Variants in POU2AF2 observed in about 807,000 individuals in gnomAD.
POU2AF2 encodes the protein POU domain class 2-associating factor 2.
the POU2AF2 span, among the ~76,000 whole-genome samples, chr11:111,273,484 G>A: frequency 3.9e-5 from 6 of 152,026 alleles, no homozygotes; most frequent in South Asian, 4.2e-4. Flanking sequence ...TCTCAAAGAG[G>A]GATATCACCT....
At chr11:111,277,516 T>G in the POU2AF2 span, among the ~76,000 whole-genome samples, 2 of 152,192 alleles carry the variant, frequency 1.3e-5, no homozygotes, top group Non-Finnish European at 2.9e-5. Context: ...TCAGCCACAA[T>G]GACATAGACT....
the POU2AF2 span, among the ~76,000 whole-genome samples, chr11:111,264,577 G>GAGAGAGAGAGA: frequency 8.7e-5 from 2 of 22,930 alleles, 1 homozygote; most frequent in African/African-American, 2.9e-4. Flanking sequence ...AGAAAGAAAG[G>GAGAGAGAGAGA]GAGAGAGAAA....
chr11:111,285,842 C>G, the POU2AF2 span: 1 of 1,609,614 alleles, frequency 6.2e-7, no homozygotes, highest in Non-Finnish European at 8.5e-7. Context: ...GCTGCATGCT[C>G]TGGAAGATCT....
At chr11:111,281,711 A>C in the POU2AF2 span, among the ~76,000 whole-genome samples, 1 of 152,236 alleles carries the variant, frequency 6.6e-6, no homozygotes, top group East Asian at 1.9e-4. Flanking sequence ...AAATTGTCTA[A>C]AGTTCTGACA....
chr11:111,284,411 AAG>A, the POU2AF2 span: 4 of 1,546,062 alleles, frequency 2.6e-6, no homozygotes, highest in Non-Finnish European at 3.5e-6. Flanking sequence ...GAGGGAGTAA[AAG>A]AGGGGCGAGG....
the POU2AF2 span, among the ~76,000 whole-genome samples, chr11:111,263,918 T>A: frequency 6.6e-6 from 1 of 152,206 alleles, no homozygotes; most frequent in Non-Finnish European, 1.5e-5. Context: ...AGGATTACAT[T>A]TAATATTTGC....
At chr11:111,246,899 AT>A in the POU2AF2 span, among the ~76,000 whole-genome samples, 1 of 152,190 alleles carries the variant, frequency 6.6e-6, no homozygotes, top group Non-Finnish European at 1.5e-5. Context: ...TATGTTGTAC[AT>A]TATATCTCTA....
the POU2AF2 span, among the ~76,000 whole-genome samples, chr11:111,256,887 T>G: frequency 6.6e-6 from 1 of 152,228 alleles, no homozygotes; most frequent in Non-Finnish European, 1.5e-5. Context: ...AAAAATCTTC[T>G]GTGTAACATG....
chr11:111,264,542 A>G, the POU2AF2 span, among the ~76,000 whole-genome samples: 18 of 68,908 alleles, frequency 2.6e-4, 1 homozygote, highest in Admixed American at 9.3e-4. Flanking sequence ...GAAAGAAAGA[A>G]AGAAAGAAAG....
the POU2AF2 span, among the ~76,000 whole-genome samples, chr11:111,247,061 A>C: frequency 2.0e-5 from 3 of 151,934 alleles, no homozygotes; most frequent in African/African-American, 7.3e-5. Flanking sequence ...AGATCATGCA[A>C]TATTTTTCTT....
chr11:111,282,644 G>A, the POU2AF2 span, among the ~76,000 whole-genome samples: 1 of 152,220 alleles, frequency 6.6e-6, no homozygotes, highest in South Asian at 2.1e-4. Context: ...AGAGGAATGA[G>A]CATAATATAA....
chr11:111,280,750 A>C, the POU2AF2 span, among the ~76,000 whole-genome samples: 1 of 152,262 alleles, frequency 6.6e-6, no homozygotes, highest in Non-Finnish European at 1.5e-5. Flanking sequence ...TGCTTCCTTT[A>C]AATGAAAAAG....
the POU2AF2 span, chr11:111,285,701 C>A: frequency 6.2e-7 from 1 of 1,613,766 alleles, no homozygotes. Flanking sequence ...CCAGCCTGAC[C>A]CTGTGTCTGC....
chr11:111,273,442 T>C, the POU2AF2 span, among the ~76,000 whole-genome samples: 2 of 152,180 alleles, frequency 1.3e-5, no homozygotes, highest in African/African-American at 4.8e-5. Flanking sequence ...ATGATGACAA[T>C]GAAAAATTAA....
At chr11:111,261,960 A>G in the POU2AF2 span, among the ~76,000 whole-genome samples, 1 of 152,246 alleles carries the variant, frequency 6.6e-6, no homozygotes, top group East Asian at 1.9e-4. Flanking sequence ...TGCTCTACAT[A>G]TAGAGACCAA....
chr11:111,281,762 GGGGAAAGCCGTCTGC>G, the POU2AF2 span, among the ~76,000 whole-genome samples: 1 of 152,204 alleles, frequency 6.6e-6, no homozygotes, highest in African/African-American at 2.4e-5. Flanking sequence ...CAAACAGAAA[GGGGAAAGCCGTCTGC>G]GAGCAGAGGG....
At chr11:111,274,187 T>C in the POU2AF2 span, among the ~76,000 whole-genome samples, 1 of 152,218 alleles carries the variant, frequency 6.6e-6, no homozygotes, top group East Asian at 1.9e-4. Context: ...AAGCAAGTGG[T>C]AGCTCTGAAA....
the POU2AF2 span, among the ~76,000 whole-genome samples, chr11:111,255,292 G>C: frequency 1.3e-5 from 2 of 152,146 alleles, no homozygotes; most frequent in South Asian, 4.1e-4. Flanking sequence ...CTGTAAAACA[G>C]ATCAAATGAA....
the POU2AF2 span, among the ~76,000 whole-genome samples, chr11:111,280,057 AATAT>A: frequency 0.27 from 21,047 of 76,648 alleles, 2,820 homozygotes; most frequent in South Asian, 0.52. Context: ...AAAAAAAAAA[AATAT>A]ATATATATAT....
Sources: allele counts gnomAD v4.1 joint callset (sites outside exome capture counted in the v4.1 genomes callset), GRCh38; gene constraint gnomAD v4.1.1; transcripts MANE v1.5; gene names NCBI Gene and HGNC (gene_info 2026-07-23, HGNC 2026-07-21).